Variants in MALRD1 observed in about 807,000 individuals in gnomAD.
MALRD1 encodes MAM and LDL receptor class A domain containing 1.
Under a neutral mutation model 242.1 loss-of-function variants are expected in MALRD1, and 247 were observed. The observed-to-expected ratio is 1.02, with a 90% CI of 0.92 to 1.13. The LOEUF (loss-of-function observed/expected upper bound fraction) is 1.13, where lower values mean the gene tolerates loss of function less well. Among genes scored for constraint, MALRD1 ranks in the 50% most tolerant of loss-of-function variants. MALRD1 has a pLI of 0.00. For missense variants in MALRD1, 2,989 were observed against 2,533.1 expected (o/e 1.18, Z -3.86); for synonymous variants, 995 against 866.6 (o/e 1.15, Z -2.60).
chr10:19,389,540 A>G lies in MALRD1; in HGVS notation c.4776A>G (p.Ala1592=). Residue 1592 remains alanine (A), a synonymous_variant, in exon 28 of 40, where the codon GCA becomes GCG. Coordinates refer to ENST00000454679, the MANE Select transcript of MALRD1 (RefSeq NM_001142308.3). ...GTACCATGTGGCGAGAATCCAGTGC[A>G]GCCTGCACCATGAGCTTCTGGTATT... ...FRSTMWRESS[A]ACTMSFWYFV... 2 of 1,550,764 alleles carry G rather than the reference A, an allele frequency of 1.3e-6. No homozygotes were observed. Among genetic ancestry groups the G allele is most frequent in the South Asian group, 2.4e-5 (2 of 84,064 alleles).
At chr10:19,132,830 T>C (rs1047617882) in intron 8 of MALRD1, among the ~76,000 whole-genome samples, 4 of 152,122 alleles carry the variant, frequency 2.6e-5, no homozygotes, top group Non-Finnish European at 5.9e-5. Flanking sequence ...TCTAATAAAA[T>C]GTAAATAAAA....
intron 1 of MALRD1, among the ~76,000 whole-genome samples, chr10:19,052,882 G>A (rs551499908): frequency 6.6e-6 from 1 of 152,150 alleles, no homozygotes; most frequent in South Asian, 2.1e-4. Flanking sequence ...CACCTTTATC[G>A]AGGGGTGATG....
intron 31 of MALRD1, among the ~76,000 whole-genome samples, chr10:19,526,574 C>T (rs1834110362): frequency 6.6e-6 from 1 of 152,010 alleles, no homozygotes; most frequent in African/African-American, 2.4e-5. Context: ...AGTTTTCTGA[C>T]TTTTGTGTTA....
chr10:19,290,127 A>G (rs952869791), intron 21 of MALRD1: 3 of 152,204 alleles, frequency 2.0e-5, no homozygotes, highest in Non-Finnish European at 2.9e-5. Flanking sequence ...CATATTTTTT[A>G]CCATGAAAAT....
chr10:19,576,227 C>T (rs969794633), intron 33 of MALRD1, among the ~76,000 whole-genome samples: 2 of 152,272 alleles, frequency 1.3e-5, no homozygotes, highest in African/African-American at 2.4e-5. Flanking sequence ...TGAATAATCT[C>T]GAATACTCCC....
chr10:19,056,840 G>T lies in MALRD1; in HGVS notation c.199+7703G>T, dbSNP rs150422168. 2.9e-3 allele frequency among the ~76,000 whole-genome samples: 448 copies of T among 152,080 alleles called. 2 individuals are homozygous for T. The highest frequency in any genetic ancestry group is 0.01 in the African/African-American group (422 of 41,502). On this transcript the variant is annotated intron_variant, in intron 1 of 39. Transcript: ENST00000454679. The stretch of plus-strand genomic sequence containing the variant: ...CCCTGTTGGTCATATGGCTTTTACC[G>T]TATTCTGTCTATAAGTAATCTGTTG...
chr10:19,464,663 C>G (rs1301335424), intron 29 of MALRD1, among the ~76,000 whole-genome samples: 3 of 152,038 alleles, frequency 2.0e-5, no homozygotes, highest in Admixed American at 1.3e-4. Context: ...CAGATTTGTT[C>G]TTTTTGGTTA....
At chr10:19,405,394 A>C (rs1847048195) in intron 28 of MALRD1, among the ~76,000 whole-genome samples, 1 of 152,148 alleles carries the variant, frequency 6.6e-6, no homozygotes, top group South Asian at 2.1e-4. Flanking sequence ...AGCATTGTGT[A>C]CTTTTCCCTG....
intron 36 of MALRD1, among the ~76,000 whole-genome samples, chr10:19,676,997 C>G (rs531910927): frequency 6.6e-6 from 1 of 152,176 alleles, no homozygotes; most frequent in Non-Finnish European, 1.5e-5. Context: ...AACATGATCT[C>G]ATTCTGTTTT....
At position 19,366,336 on chromosome 10, in the gene MALRD1, C is replaced by T. The variant is rs558404717; in HGVS notation, c.4441+14039C>T. Among the ~76,000 whole-genome samples the T allele has an allele frequency of 1.4e-4, 22 of 152,006 alleles. No individual in the cohort carries two copies. In the South Asian group the frequency reaches 2.1e-3, roughly 14 times the overall value. ...CATGCACAGCAAATAATAGGGTTTG[C>T]GCTCCTATGAGAAGCTAGCGCTGCT... On this transcript the variant is annotated intron_variant, in intron 26 of 39. Transcript: ENST00000454679.
intron 21 of MALRD1, among the ~76,000 whole-genome samples, chr10:19,316,470 A>G (rs1395123777): frequency 1.3e-5 from 2 of 151,802 alleles, no homozygotes; most frequent in African/African-American, 4.8e-5. Context: ...AACAATACAG[A>G]ATGTTCTTTT....
At chr10:19,152,379 GT>G (rs1833972872) in intron 11 of MALRD1, among the ~76,000 whole-genome samples, 1 of 152,030 alleles carries the variant, frequency 6.6e-6, no homozygotes, top group Admixed American at 6.6e-5. Flanking sequence ...TAAATATTTG[GT>G]TAAAATTATC....
At chr10:19,227,148 A>C (rs72788010) in intron 18 of MALRD1, among the ~76,000 whole-genome samples, 1 of 151,756 alleles carries the variant, frequency 6.6e-6, no homozygotes, top group African/African-American at 2.4e-5. Context: ...TACAAAGCTG[A>C]TTCTAATTTT....
intron 26 of MALRD1, among the ~76,000 whole-genome samples, chr10:19,375,218 C>G (rs1382494480): frequency 6.6e-6 from 1 of 151,960 alleles, no homozygotes; most frequent in Non-Finnish European, 1.5e-5. Flanking sequence ...TTCAATATTC[C>G]CCAAAGTAGG....
At chr10:19,255,988 A>G (rs1312311998) in intron 18 of MALRD1, among the ~76,000 whole-genome samples, 1 of 152,064 alleles carries the variant, frequency 6.6e-6, no homozygotes, top group Non-Finnish European at 1.5e-5. Context: ...AATTGACTCC[A>G]AACACCAGAA....
At chr10:19,553,161 G>GA (rs1835565785) in intron 32 of MALRD1, among the ~76,000 whole-genome samples, 1 of 151,828 alleles carries the variant, frequency 6.6e-6, no homozygotes, top group Non-Finnish European at 1.5e-5. Flanking sequence ...GACAATCTGG[G>GA]AATTTAAAGG....
intron 38 of MALRD1, among the ~76,000 whole-genome samples, chr10:19,700,584 A>T (rs1293026623): frequency 1.3e-5 from 2 of 152,134 alleles, no homozygotes; most frequent in African/African-American, 4.8e-5. Context: ...TCCATGAGTG[A>T]CTCAAGTCTT....
intron 2 of MALRD1, among the ~76,000 whole-genome samples, chr10:19,081,049 C>A (rs1456447163): frequency 2.6e-5 from 4 of 152,012 alleles, no homozygotes; most frequent in African/African-American, 9.7e-5. Flanking sequence ...AAATGCAAAT[C>A]AAAACCACAA....
intron 38 of MALRD1, among the ~76,000 whole-genome samples, chr10:19,719,208 A>ATGTGTG (rs1834592560): frequency 1.5e-5 from 1 of 67,800 alleles, no homozygotes; most frequent in Non-Finnish European, 2.5e-5. Flanking sequence ...ATATATATAT[A>ATGTGTG]TATACACATA....
Sources: gnomAD v4.1 joint callset for allele counts (sites outside exome capture counted in the v4.1 genomes callset) on GRCh38, gnomAD v4.1.1 for gene constraint, MANE v1.5 for transcripts, NCBI Gene and HGNC (gene_info 2026-07-23, HGNC 2026-07-21) for gene names.